Variants in TEX9 observed in about 807,000 individuals in gnomAD.
TEX9 encodes testis-expressed protein 9.
TEX9 carries 74 observed loss-of-function variants against 59.6 expected under a neutral mutation model. The observed-to-expected ratio is 1.24, with a 90% CI of 1.03 to 1.51. The LOEUF is 1.51. Among genes scored for constraint, TEX9 ranks in the 40% most tolerant of loss-of-function variants. The pLI is 0.00. For missense variants in TEX9, 522 were observed against 447.8 expected (o/e 1.17, Z -1.49); for synonymous variants, 186 against 152.2 (o/e 1.22, Z -1.64).
intron 1 of TEX9, among the ~76,000 whole-genome samples, chr15:56,278,389 A>T (rs555131712): frequency 5.3e-5 from 8 of 152,296 alleles, no homozygotes; most frequent in African/African-American, 1.9e-4. Flanking sequence ...AATCCAAAAA[A>T]GATTAGGTTA....
chr15:56,357,679 C>T (rs1432618373), intron 1 of TEX9, among the ~76,000 whole-genome samples: 1 of 152,028 alleles, frequency 6.6e-6, no homozygotes, highest in Non-Finnish European at 1.5e-5. Context: ...TATAATCTGC[C>T]ATTCGACCTG....
intron 1 of TEX9, among the ~76,000 whole-genome samples, chr15:56,343,614 C>T (rs2046413168): frequency 6.6e-6 from 1 of 152,046 alleles, no homozygotes; most frequent in East Asian, 1.9e-4. Flanking sequence ...TCAACAACTT[C>T]ATACTAACAA....
chr15:56,269,121 A>G (rs140182069), intron 1 of TEX9, among the ~76,000 whole-genome samples: 6,703 of 152,108 alleles, frequency 0.044, 227 homozygotes, highest in Admixed American at 0.087. Context: ...AGAGGTGTTT[A>G]TAGTATTCTC....
At chr15:56,296,526 A>G (rs939339827) in intron 1 of TEX9, among the ~76,000 whole-genome samples, 2 of 152,208 alleles carry the variant, frequency 1.3e-5, no homozygotes, top group African/African-American at 4.8e-5. Flanking sequence ...AAGAATTATT[A>G]ATGTCTGTAC....
chr15:56,375,439 C>T (rs570583168), intron 3 of TEX9, among the ~76,000 whole-genome samples: 5 of 151,806 alleles, frequency 3.3e-5, no homozygotes, highest in South Asian at 2.1e-4. Context: ...GAGTAGGTTG[C>T]GAAAATTTTC....
intron 2 of TEX9, among the ~76,000 whole-genome samples, chr15:56,367,780 C>A (rs1472097586): frequency 6.6e-6 from 1 of 152,032 alleles, no homozygotes; most frequent in Non-Finnish European, 1.5e-5. Flanking sequence ...CTTCAAGGTA[C>A]TGAATAGTTG....
chr15:56,453,072 T>C, the TEX9 span, among the ~76,000 whole-genome samples: 1 of 152,216 alleles, frequency 6.6e-6, no homozygotes, highest in Admixed American at 6.5e-5. Flanking sequence ...ATTACAGATA[T>C]TACAGCATGT....
chr15:56,305,396 A>G (rs1000170264), intron 1 of TEX9, among the ~76,000 whole-genome samples: 1 of 152,182 alleles, frequency 6.6e-6, no homozygotes. Flanking sequence ...AGCTATTGTA[A>G]TCAAAACAGC....
intron 10 of TEX9, among the ~76,000 whole-genome samples, chr15:56,413,181 T>G (rs12905898): frequency 3.0e-5 from 2 of 67,712 alleles, no homozygotes; most frequent in Non-Finnish European, 7.5e-5. Context: ...TTTTAAATTC[T>G]ATTTAATAAT....
intron 12 of TEX9, among the ~76,000 whole-genome samples, chr15:56,439,674 C>T (rs1263376561): frequency 6.6e-6 from 1 of 151,494 alleles, no homozygotes; most frequent in African/African-American, 2.4e-5. Context: ...ATGGCAAAAA[C>T]TGTATTTAAG....
At chr15:56,341,285 C>G (rs149683211) in intron 1 of TEX9, among the ~76,000 whole-genome samples, 1 of 152,226 alleles carries the variant, frequency 6.6e-6, no homozygotes, top group Admixed American at 6.5e-5. Context: ...CTCCTCCTCC[C>G]ATACTTCTTA....
chr15:56,327,131 C>G (rs949370244), intron 1 of TEX9, among the ~76,000 whole-genome samples: 3 of 152,092 alleles, frequency 2.0e-5, no homozygotes, highest in Middle Eastern at 3.4e-3. Flanking sequence ...ATAAATTATT[C>G]CTAAAGAAAA....
At chr15:56,274,871 A>T (rs2044632431) in intron 1 of TEX9, among the ~76,000 whole-genome samples, 1 of 152,108 alleles carries the variant, frequency 6.6e-6, no homozygotes, top group Admixed American at 6.6e-5. Context: ...CTTTAACTTT[A>T]GGGTGAGAAT....
At chr15:56,263,014 G>A (rs549284318) in intron 1 of TEX9, among the ~76,000 whole-genome samples, 41 of 151,940 alleles carry the variant, frequency 2.7e-4, no homozygotes, top group African/African-American at 7.5e-4. Context: ...AACAACACAC[G>A]TGGCTGTTTT....
downstream of TEX9, among the ~76,000 whole-genome samples, chr15:56,449,170 G>A (rs540890008): frequency 3.9e-5 from 6 of 152,070 alleles, no homozygotes; most frequent in East Asian, 1.2e-3. Context: ...TTGCCCTATT[G>A]CACTGATTAG....
intron 3 of TEX9, among the ~76,000 whole-genome samples, chr15:56,376,888 C>T (rs759700737): frequency 6.6e-6 from 1 of 152,038 alleles, no homozygotes; most frequent in African/African-American, 2.4e-5. Context: ...GTTTTGAGAT[C>T]TTAGATTTAA....
chr15:56,258,526 G>A (rs1227602081), intron 1 of TEX9, among the ~76,000 whole-genome samples: 2 of 151,910 alleles, frequency 1.3e-5, no homozygotes, highest in African/African-American at 2.4e-5. Flanking sequence ...TGTATTCCTA[G>A]GTTTTTTATT....
downstream of TEX9, among the ~76,000 whole-genome samples, chr15:56,448,693 CAT>C (rs2050925621): frequency 6.6e-6 from 1 of 151,152 alleles, no homozygotes; most frequent in African/African-American, 2.4e-5. Flanking sequence ...CAGCAATAAA[CAT>C]ATAAATGCAT....
At chr15:56,300,703 G>T (rs2045329448) in intron 1 of TEX9, among the ~76,000 whole-genome samples, 1 of 107,566 alleles carries the variant, frequency 9.3e-6, no homozygotes, top group Non-Finnish European at 1.9e-5. Context: ...GAGAGAGAGA[G>T]AGAGGGAGAG....
Sources: gnomAD v4.1 joint callset for allele counts (sites outside exome capture counted in the v4.1 genomes callset) on GRCh38, gnomAD v4.1.1 for gene constraint, MANE v1.5 for transcripts, NCBI Gene and HGNC (gene_info 2026-07-23, HGNC 2026-07-21) for gene names.